CCDC187: variants seen among roughly 807,000 people sequenced by gnomAD.
CCDC187 encodes the protein coiled-coil domain-containing protein 187.
Under a neutral mutation model 38.0 loss-of-function variants are expected in CCDC187, and 32 were observed. The ratio of observed to expected loss-of-function variants is 0.84; its 90% CI spans 0.64 to 1.13. CCDC187 has a LOEUF of 1.13. Ranked by LOEUF, CCDC187 falls within the 50% of genes most tolerant of loss-of-function variation. The pLI, the probability that CCDC187 is intolerant of heterozygous loss-of-function variation, is 0.00. For missense variants in CCDC187, 707 were observed against 786.8 expected, an observed-to-expected ratio of 0.90 and a Z score of 1.21; for synonymous variants, 333 against 347.9, an observed-to-expected ratio of 0.96 and a Z score of 0.48.
intron 14 of CCDC187, among the ~76,000 whole-genome samples, chr9:136,269,188 C>T (rs957198670): frequency 1.5e-4 from 23 of 152,350 alleles, no homozygotes; most frequent in African/African-American, 5.5e-4. Context: ...GACCTTAGGA[C>T]TCCCAGGTCA....
At chr9:136,256,931 T>C (rs553541296) in intron 22 of CCDC187, 90 bp from the exon 23 acceptor site, 3 of 152,346 alleles carry the variant, frequency 2.0e-5, no homozygotes, top group Admixed American at 2.0e-4. Flanking sequence ...ATAAAACAAA[T>C]CTTAAAATTC....
chr9:136,304,916 A>T, upstream of CCDC187, among the ~76,000 whole-genome samples: 1 of 152,310 alleles, frequency 6.6e-6, no homozygotes, highest in African/African-American at 2.4e-5. Context: ...GGCACGAAGG[A>T]TGGAGGGCCC....
intron 4 of CCDC187, among the ~76,000 whole-genome samples, chr9:136,293,284 C>T (rs1374356285): frequency 2.0e-5 from 3 of 151,336 alleles, no homozygotes; most frequent in Non-Finnish European, 2.9e-5. Flanking sequence ...CACTAACATG[C>T]TCACACACTC....
Position 136,273,644 on chromosome 9 carries a change from G to A in CCDC187, c.3442+1014C>T, listed in dbSNP as rs552555799. 7.2e-5 allele frequency among the ~76,000 whole-genome samples: 11 copies of A among 152,336 alleles called. No homozygotes were observed. The South Asian group carries it at 1.0e-3, about 14-fold the overall frequency. ...CCAAGATGCAGTAGATTTGAAGAGC[G>A]TGATCCACCAACTTGATCTAAGTGT... On this transcript the variant is annotated intron_variant, in intron 14 of 25. Coordinates refer to ENST00000638797, the MANE Select transcript of CCDC187 (RefSeq NM_001378188.1).
At chr9:136,292,433 A>C (rs1831356793) in intron 4 of CCDC187, 138 bp from the exon 5 acceptor site, 3 of 396,328 alleles carry the variant, frequency 7.6e-6, no homozygotes, top group Non-Finnish European at 1.3e-5. Context: ...GATATCCCTC[A>C]TGTCCAGGCC....
chr9:136,259,114 G>A (rs1452765080), intron 21 of CCDC187, 113 bp from the exon 22 acceptor site: 7 of 849,084 alleles, frequency 8.2e-6, no homozygotes, highest in Non-Finnish European at 9.9e-6. Flanking sequence ...GGGTGGATGG[G>A]GACAGCCGGG....
upstream of CCDC187, among the ~76,000 whole-genome samples, chr9:136,305,134 C>T (rs1173838479): frequency 6.6e-6 from 1 of 152,216 alleles, no homozygotes; most frequent in Non-Finnish European, 1.5e-5. Context: ...AGAGAGGAGC[C>T]ATCCAAAGAC....
chr9:136,266,790 CAG>C (rs2131164589), intron 16 of CCDC187: 1 of 152,386 alleles, frequency 6.6e-6, no homozygotes, highest in East Asian at 1.9e-4. Context: ...CTCCCCAAAA[CAG>C]AGTATCCGCA....
chr9:136,298,730 C>T (rs906937102), intron 3 of CCDC187, among the ~76,000 whole-genome samples: 3 of 152,212 alleles, frequency 2.0e-5, no homozygotes, highest in Non-Finnish European at 4.4e-5. Flanking sequence ...CCACTCTATG[C>T]GGTCCCCAGA....
chr9:136,251,745 C>T lies in CCDC187; in HGVS notation c.*1849G>A, dbSNP rs1830539111. 6.5e-6 allele frequency: 1 copy of T among 153,792 alleles called. No homozygotes were observed. The highest frequency in any genetic ancestry group is 1.5e-5 in the Non-Finnish European group (1 of 68,566). The allele number at this position is 153,792 out of a possible 1,614,324, so 9.5% of individuals were successfully genotyped here. On this transcript the variant is annotated 3_prime_UTR_variant, in exon 26 of 26. Transcript: ENST00000638797. Reference sequence around the variant, plus strand: ...GGGCTGCAACGCCTTTTCTTGGACGCCTCTTCGTGGCTTTGATGCGAAGAA... The same window carrying T: ...GGGCTGCAACGCCTTTTCTTGGACGTCTCTTCGTGGCTTTGATGCGAAGAA...
At chr9:136,301,102 C>T (rs1383629804) in intron 2 of CCDC187, among the ~76,000 whole-genome samples, 2 of 152,160 alleles carry the variant, frequency 1.3e-5, no homozygotes, top group East Asian at 1.9e-4. Flanking sequence ...ATTTGGACCA[C>T]GTAGCACCAG....
At chr9:136,273,401 C>T (rs180697906) in intron 14 of CCDC187, among the ~76,000 whole-genome samples, 5 of 152,256 alleles carry the variant, frequency 3.3e-5, no homozygotes, top group Non-Finnish European at 4.4e-5. Flanking sequence ...GCCTCTGAAG[C>T]GAAGGATACT....
chr9:136,291,093 GC>G lies in CCDC187; in HGVS notation c.1519del (p.Ala507ProfsTer29). On this transcript the variant is annotated frameshift_variant, in exon 6 of 26. Transcript: ENST00000638797. LOFTEE classifies it high-confidence loss of function. ...CTGGGAGGAGGGGCCCTGTCTTTGG[GC>G]CCCCCAGGCCCTCTGCGGACTGCAG... ...QACSPQRAWG[A>X]QRQGPSSQRP... 2 of 398,468 alleles carry G rather than the reference GC, an allele frequency of 5.0e-6. No homozygotes were observed. Among genetic ancestry groups the G allele is most frequent in the East Asian group, 3.6e-5 (1 of 28,058 alleles). The allele number at this position is 398,468 out of a possible 1,614,324, so 24.7% of individuals were successfully genotyped here. A position where few individuals can be genotyped will look rare whatever the true frequency, so the allele number is the denominator to read the frequency against.
At chr9:136,275,343 A>G (rs1041526389) in intron 12 of CCDC187, among the ~76,000 whole-genome samples, 12 of 151,886 alleles carry the variant, frequency 7.9e-5, no homozygotes, top group Non-Finnish European at 1.8e-4. Flanking sequence ...ACAGGAGGGG[A>G]GCAAATCCTG....
chr9:136,300,432 G>A (rs1355730820), intron 2 of CCDC187, 114 bp from the exon 3 acceptor site: 3 of 386,534 alleles, frequency 7.8e-6, no homozygotes, highest in South Asian at 2.8e-4. Flanking sequence ...TTATTTACTT[G>A]AGACAGGGTC....
intron 5 of CCDC187, 40 bp downstream of exon 5, chr9:136,292,121 C>T (rs1831346168): frequency 5.0e-6 from 2 of 398,720 alleles, no homozygotes; most frequent in Non-Finnish European, 8.8e-6. Flanking sequence ...CCAGATGCCA[C>T]AGCAGAGCAG....
intron 10 of CCDC187, among the ~76,000 whole-genome samples, chr9:136,280,519 C>T (rs938307095): frequency 4.6e-5 from 7 of 152,320 alleles, no homozygotes; most frequent in East Asian, 1.9e-4. Flanking sequence ...CACACATGCA[C>T]GTGCACACAC....
chr9:136,291,212 T>C lies in CCDC187; in HGVS notation c.1401A>G (p.Gln467=). 1 of 398,718 alleles carries C rather than the reference T, an allele frequency of 2.5e-6. No homozygotes were observed. The highest frequency in any genetic ancestry group is 4.4e-6 in the Non-Finnish European group (1 of 226,138). 24.7% of individuals were successfully genotyped at this position (398,718 alleles called of 1,614,324 possible). Residue 467 remains glutamine, a synonymous_variant, in exon 6 of 26, where the codon CAA becomes CAG. Coordinates refer to ENST00000638797, the MANE Select transcript of CCDC187 (RefSeq NM_001378188.1). ...GCCTCTGGAAGGAGCGGTCCTGTCC[T>C]TGGGCCCCCCAGGCCCTCTGCGGAC... ...ESCPQRAWGA[Q]GQDRSFQRPE...
chr9:136,255,787 TC>T, intron 24 of CCDC187, 54 bp from the exon 25 acceptor site: 2 of 905,506 alleles, frequency 2.2e-6, no homozygotes, highest in Non-Finnish European at 2.6e-6. Flanking sequence ...CCTGGCCTCT[TC>T]CCCAGGGCCC....
Sources: allele counts gnomAD v4.1 joint callset (sites outside exome capture counted in the v4.1 genomes callset), GRCh38; gene constraint gnomAD v4.1.1; transcripts MANE v1.5; gene names NCBI Gene and HGNC (gene_info 2026-07-23, HGNC 2026-07-21).